The following FGGY variants were observed in gnomAD, a reference collection of about 807,000 sequenced individuals.
The protein encoded by FGGY is FGGY carbohydrate kinase domain-containing protein.
A neutral mutation model predicts 71.3 loss-of-function variants in FGGY; 72 were observed. That is an observed-to-expected ratio of 1.01 (90% confidence interval 0.84 to 1.23). The LOEUF (loss-of-function observed/expected upper bound fraction) is 1.23. Ranked by LOEUF, FGGY falls within the 50% of genes most tolerant of loss-of-function variation. FGGY has a pLI of 0.00. For missense variants in FGGY, 668 were observed against 682.3 expected (o/e 0.98, Z 0.23); for synonymous variants, 251 against 250.3 (o/e 1.00, Z -0.02).
chr1:59,363,213 T>C (rs1176331539), intron 4 of FGGY, among the ~76,000 whole-genome samples: 1 of 152,190 alleles, frequency 6.6e-6, no homozygotes, highest in Non-Finnish European at 1.5e-5. Context: ...AAAGTGAGAC[T>C]CATAGACATT....
At chr1:59,358,047 G>A (rs959394440) in intron 4 of FGGY, among the ~76,000 whole-genome samples, 3 of 152,166 alleles carry the variant, frequency 2.0e-5, no homozygotes, top group East Asian at 1.9e-4. Context: ...AGGAAAATAC[G>A]ATCTTTATAG....
intron 6 of FGGY, among the ~76,000 whole-genome samples, chr1:59,480,951 G>C (rs1433912465): frequency 1.3e-5 from 2 of 151,594 alleles, no homozygotes; most frequent in Non-Finnish European, 2.9e-5. Flanking sequence ...CAAAAATGTT[G>C]GTATTTTTAT....
chr1:59,496,641 T>C (rs1292602920), intron 6 of FGGY, among the ~76,000 whole-genome samples: 2 of 152,052 alleles, frequency 1.3e-5, no homozygotes, highest in South Asian at 4.2e-4. Flanking sequence ...GCAGTTTACC[T>C]GTGTAACAAG....
chr1:59,403,654 C>T (rs1345978852), intron 5 of FGGY, among the ~76,000 whole-genome samples: 2 of 152,294 alleles, frequency 1.3e-5, no homozygotes, highest in African/African-American at 2.4e-5. Context: ...GACCTTGGTG[C>T]ATCCACAAAG....
intron 14 of FGGY, among the ~76,000 whole-genome samples, chr1:59,722,339 A>C (rs1334760701): frequency 6.6e-6 from 1 of 152,080 alleles, no homozygotes; most frequent in Non-Finnish European, 1.5e-5. Flanking sequence ...TCCACTATAA[A>C]ATTACTCTTT....
chr1:59,518,843 G>T (rs958006925), intron 7 of FGGY, among the ~76,000 whole-genome samples: 1 of 152,156 alleles, frequency 6.6e-6, no homozygotes, highest in Non-Finnish European at 1.5e-5. Context: ...TCTATAAACT[G>T]TTCAGTTTCA....
At chr1:59,620,054 G>A (rs2096792990) in intron 9 of FGGY, among the ~76,000 whole-genome samples, 1 of 152,018 alleles carries the variant, frequency 6.6e-6, no homozygotes, top group South Asian at 2.1e-4. Context: ...TGCTATTAAT[G>A]GGTGAAGGTG....
chr1:59,487,440 A>G lies in FGGY; in HGVS notation c.671-24871A>G, dbSNP rs190103551. Among the ~76,000 whole-genome samples the G allele has an allele frequency of 1.7e-3, 257 of 151,984 alleles. 7 individuals are homozygous for G. The highest frequency in any genetic ancestry group is 0.016 in the Admixed American group (242 of 15,278). ...TATACATTCCATGAGGGCAGGGGCC[A>G]TGTCCATCTCATTACCTGCTGTGGC... On this transcript the variant is annotated intron_variant, in intron 6 of 15. Coordinates refer to ENST00000303721, the MANE Select transcript of FGGY (RefSeq NM_018291.5).
intron 5 of FGGY, among the ~76,000 whole-genome samples, chr1:59,451,585 G>T (rs531876009): frequency 6.6e-6 from 1 of 152,128 alleles, no homozygotes; most frequent in South Asian, 2.1e-4. Flanking sequence ...GTGAGAAAGG[G>T]TCTCAGTGTC....
At chr1:59,395,319 G>T (rs1180303058) in intron 5 of FGGY, among the ~76,000 whole-genome samples, 4 of 152,064 alleles carry the variant, frequency 2.6e-5, no homozygotes, top group Non-Finnish European at 5.9e-5. Flanking sequence ...GCAATAGTTT[G>T]TTCCAGAAAA....
intron 7 of FGGY, among the ~76,000 whole-genome samples, chr1:59,513,644 A>G (rs1336674787): frequency 6.6e-6 from 1 of 152,228 alleles, no homozygotes; most frequent in Non-Finnish European, 1.5e-5. Context: ...TGTCATTTCC[A>G]TTAGAGTGTG....
At chr1:59,440,359 A>G (rs17119455) in intron 5 of FGGY, among the ~76,000 whole-genome samples, 2,085 of 152,218 alleles carry the variant, frequency 0.014, 48 homozygotes, top group African/African-American at 0.048. Context: ...CATTTAGTTT[A>G]GCAAGCATAT....
intron 14 of FGGY, among the ~76,000 whole-genome samples, chr1:59,677,760 A>G (rs570414569): frequency 1.4e-4 from 21 of 152,200 alleles, no homozygotes; most frequent in Admixed American, 3.9e-4. Flanking sequence ...GCCAACAACA[A>G]GATCTATTGA....
rs548525618 is a variant in FGGY, at chr1:59,745,115, G to A, written c.1513-12816G>A. Among the ~76,000 whole-genome samples the A allele has an allele frequency of 6.3e-4, 96 of 152,192 alleles. 3 individuals are homozygous for A. The South Asian group carries it at 0.019, about 31-fold the overall frequency. On this transcript the variant is annotated intron_variant, in intron 14 of 15. Transcript: ENST00000303721. ...CCTCTCAACTCCTGGCTTCAGATTC[G>A]ATGTCTTTGCTTGTCTTTTTCCTCT... is the stretch of plus-strand genomic sequence containing the variant.
At position 59,711,789 on chromosome 1, in the gene FGGY, C is replaced by T. The variant is rs186200246; in HGVS notation, c.1512+37656C>T. Among the ~76,000 whole-genome samples, 536 of 152,316 alleles carry T rather than the reference C, an allele frequency of 3.5e-3. 3 individuals carry two copies. Among genetic ancestry groups the T allele is most frequent in the African/African-American group, 0.013 (525 of 41,564 alleles). On this transcript the variant is annotated intron_variant, in intron 14 of 15. Coordinates refer to ENST00000303721, the MANE Select transcript of FGGY (RefSeq NM_018291.5). ...GAAGAGCACAGGAAAGACCCACCCC[C>T]ATGAATCAATCATCTCCCTCCAGGT...
chr1:59,753,730 G>A (rs2098267247), intron 14 of FGGY, among the ~76,000 whole-genome samples: 1 of 151,020 alleles, frequency 6.6e-6, no homozygotes, highest in South Asian at 2.1e-4. Context: ...AAGTTATATG[G>A]AGCAAACAAA....
chr1:59,574,651 T>C (rs956134900), intron 8 of FGGY, among the ~76,000 whole-genome samples: 49 of 152,180 alleles, frequency 3.2e-4, no homozygotes, highest in African/African-American at 1.2e-3. Flanking sequence ...CTGTGTATAG[T>C]GAAGGAACAA....
chr1:59,506,138 A>T (rs2094374517), intron 6 of FGGY, among the ~76,000 whole-genome samples: 1 of 151,988 alleles, frequency 6.6e-6, no homozygotes, highest in African/African-American at 2.4e-5. Flanking sequence ...CAGTGTTTGG[A>T]AAAAGTGTCC....
chr1:59,668,277 C>T (rs991832497), intron 13 of FGGY, among the ~76,000 whole-genome samples: 1 of 152,124 alleles, frequency 6.6e-6, no homozygotes. Flanking sequence ...TACTCCTTGC[C>T]CCTCTAGTGT....
Sources: gnomAD v4.1 joint callset for allele counts (sites outside exome capture counted in the v4.1 genomes callset) on GRCh38, gnomAD v4.1.1 for gene constraint, MANE v1.5 for transcripts, NCBI Gene and HGNC (gene_info 2026-07-23, HGNC 2026-07-21) for gene names.